Variants in CCSER1 observed in about 807,000 individuals in gnomAD.
The protein encoded by CCSER1 is coiled-coil serine rich protein 1.
A neutral mutation model predicts 82.0 loss-of-function variants in CCSER1; 41 were observed. That is an observed-to-expected ratio of 0.50 (90% CI 0.39 to 0.65). The LOEUF (loss-of-function observed/expected upper bound fraction) is 0.65, where lower values mean the gene tolerates loss of function less well. Among genes scored for constraint, CCSER1 ranks in the 30% least tolerant of loss-of-function variants. CCSER1 has a pLI of 0.00. For synonymous variants in CCSER1, 414 were observed against 383.9 expected, an observed-to-expected ratio of 1.08 and a Z score of -0.92; for missense variants, 1,119 against 1,064.2, an observed-to-expected ratio of 1.05 and a Z score of -0.72.
chr4:90,285,576 T>A (rs1458137255), intron 1 of CCSER1, among the ~76,000 whole-genome samples: 1 of 152,100 alleles, frequency 6.6e-6, no homozygotes, highest in Non-Finnish European at 1.5e-5. Context: ...TAAGATCATA[T>A]TATCTGCAAT....
chr4:91,037,909 C>G (rs1045909293), intron 9 of CCSER1, among the ~76,000 whole-genome samples: 5 of 151,998 alleles, frequency 3.3e-5, no homozygotes, highest in African/African-American at 1.2e-4. Flanking sequence ...ACAGACATAT[C>G]TCTGGATAGT....
chr4:90,610,744 A>G (rs1438047682), intron 5 of CCSER1, among the ~76,000 whole-genome samples: 1 of 152,234 alleles, frequency 6.6e-6, no homozygotes, highest in Non-Finnish European at 1.5e-5. Flanking sequence ...CAATGAAGGC[A>G]AATATTATCA....
chr4:91,405,914 C>G (rs1752672542), intron 10 of CCSER1, among the ~76,000 whole-genome samples: 2 of 152,110 alleles, frequency 1.3e-5, no homozygotes, highest in Non-Finnish European at 2.9e-5. Flanking sequence ...AACCTGGTAC[C>G]TCAATTGGAA....
At position 90,787,496 on chromosome 4, in the gene CCSER1, T is replaced by C. The variant is rs141594247; in HGVS notation, c.2011-28266T>C. Among the ~76,000 whole-genome samples the C allele has an allele frequency of 4.7e-4, 72 of 152,372 alleles. 1 individual carries two copies. The East Asian group carries it at 0.011, about 24-fold the overall frequency. ...AACAATTTTTTAATGGTTGTTTACT[T>C]AGGTTGCTTTCAACATTTAGACATT... is the stretch of plus-strand genomic sequence containing the variant. On this transcript the variant is annotated intron_variant, in intron 7 of 10. Transcript: ENST00000509176.
chr4:91,177,446 T>G (rs1733517022), intron 10 of CCSER1, among the ~76,000 whole-genome samples: 1 of 152,172 alleles, frequency 6.6e-6, no homozygotes, highest in Non-Finnish European at 1.5e-5. Flanking sequence ...ATCCATCTGG[T>G]CCTGGACTTT....
intron 10 of CCSER1, among the ~76,000 whole-genome samples, chr4:91,513,737 A>G (rs778407632): frequency 4.6e-5 from 7 of 152,076 alleles, no homozygotes; most frequent in Non-Finnish European, 8.8e-5. Flanking sequence ...CAGATTTTCT[A>G]GTTTGTACAC....
chr4:90,342,459 T>G (rs1741565361), intron 3 of CCSER1, among the ~76,000 whole-genome samples: 1 of 152,214 alleles, frequency 6.6e-6, no homozygotes, highest in Non-Finnish European at 1.5e-5. Context: ...CATGCCTACC[T>G]TTCTTTTCAC....
intron 10 of CCSER1, among the ~76,000 whole-genome samples, chr4:91,445,453 A>G (rs1336074929): frequency 1.3e-5 from 2 of 151,262 alleles, no homozygotes; most frequent in Non-Finnish European, 2.9e-5. Context: ...AATAGCAAAG[A>G]CACTTTCTCC....
At chr4:90,418,734 G>A (rs1756192249) in intron 4 of CCSER1, among the ~76,000 whole-genome samples, 1 of 151,896 alleles carries the variant, frequency 6.6e-6, no homozygotes, top group Admixed American at 6.6e-5. Flanking sequence ...CTGACCTTCT[G>A]TTCTAATAGC....
intron 9 of CCSER1, among the ~76,000 whole-genome samples, chr4:91,044,605 A>G (rs1742281782): frequency 1.3e-5 from 2 of 152,012 alleles, no homozygotes; most frequent in African/African-American, 2.4e-5. Flanking sequence ...ATACACATCC[A>G]TTTCATCCAC....
At chr4:91,260,399 A>G (rs1741015667) in intron 10 of CCSER1, among the ~76,000 whole-genome samples, 1 of 152,208 alleles carries the variant, frequency 6.6e-6, no homozygotes, top group African/African-American at 2.4e-5. Context: ...AGTAATAACT[A>G]CTGTTTCATA....
At chr4:90,651,312 G>A (rs1194196488) in intron 6 of CCSER1, among the ~76,000 whole-genome samples, 1 of 152,136 alleles carries the variant, frequency 6.6e-6, no homozygotes, top group East Asian at 1.9e-4. Context: ...TGATAGACTA[G>A]ATAAAGAAAA....
intron 1 of CCSER1, among the ~76,000 whole-genome samples, chr4:90,200,489 A>G (rs1026367000): frequency 4.0e-5 from 6 of 151,858 alleles, no homozygotes; most frequent in African/African-American, 1.2e-4. Context: ...AGAAAATCAT[A>G]CAAAAAAACC....
At chr4:91,478,926 C>A (rs976771625) in intron 10 of CCSER1, among the ~76,000 whole-genome samples, 1 of 151,656 alleles carries the variant, frequency 6.6e-6, no homozygotes, top group Non-Finnish European at 1.5e-5. Context: ...TAAACTGTTA[C>A]TAGTATTAGC....
intron 6 of CCSER1, among the ~76,000 whole-genome samples, chr4:90,703,498 G>C (rs1276446029): frequency 6.6e-6 from 1 of 152,164 alleles, no homozygotes; most frequent in Non-Finnish European, 1.5e-5. Flanking sequence ...TCCGCTTGAT[G>C]TAGAGCTGAG....
At chr4:91,586,947 T>G (rs997710187) in intron 10 of CCSER1, among the ~76,000 whole-genome samples, 7 of 151,764 alleles carry the variant, frequency 4.6e-5, no homozygotes, top group African/African-American at 1.7e-4. Flanking sequence ...TAATAATGAA[T>G]AGATATGAAT....
intron 10 of CCSER1, among the ~76,000 whole-genome samples, chr4:91,249,357 T>C (rs964009857): frequency 1.3e-5 from 2 of 151,954 alleles, no homozygotes; most frequent in Non-Finnish European, 2.9e-5. Flanking sequence ...ACGAGAGATG[T>C]GACTACAAAA....
chr4:90,417,948 A>C (rs571400011), intron 4 of CCSER1, among the ~76,000 whole-genome samples: 5 of 152,270 alleles, frequency 3.3e-5, no homozygotes, highest in Non-Finnish European at 5.9e-5. Context: ...GGTCAGAAAA[A>C]GTGTGTCTAA....
chr4:90,597,495 A>G (rs1783479920), intron 5 of CCSER1, among the ~76,000 whole-genome samples: 1 of 152,068 alleles, frequency 6.6e-6, no homozygotes, highest in African/African-American at 2.4e-5. Flanking sequence ...CAAGATTGAG[A>G]TAGTGATCGT....
Sources: allele counts gnomAD v4.1 joint callset (sites outside exome capture counted in the v4.1 genomes callset), GRCh38; gene constraint gnomAD v4.1.1; transcripts MANE v1.5; gene names NCBI Gene and HGNC (gene_info 2026-07-23, HGNC 2026-07-21).